Variants in DMXL2 observed in about 807,000 individuals in gnomAD.
The protein encoded by DMXL2 is dmX-like protein 2.
A neutral mutation model predicts 331.1 loss-of-function variants in DMXL2; 103 were observed. The ratio of observed to expected loss-of-function variants is 0.31; its 90% confidence interval spans 0.27 to 0.37. The LOEUF is 0.37. Ranked by LOEUF, DMXL2 falls within the 10% of genes least tolerant of loss-of-function variation. DMXL2 has a pLI of 1.00. For synonymous variants in DMXL2, 1,281 were observed against 1,252.1 expected, an observed-to-expected ratio of 1.02 and a Z score of -0.49; for missense variants, 3,171 against 3,642.9, an observed-to-expected ratio of 0.87 and a Z score of 3.33.
chr15:51,500,530 GA>G (rs1380355579), intron 17 of DMXL2, among the ~76,000 whole-genome samples: 2 of 152,134 alleles, frequency 1.3e-5, no homozygotes, highest in Non-Finnish European at 2.9e-5. Flanking sequence ...CAAAAGCACT[GA>G]AACAAGTCAG....
Position 51,451,664 on chromosome 15 carries a change from G to C in DMXL2, c.8730C>G (p.Pro2910=). Reference sequence around the variant, plus strand: ...ACTCACCATGAATGAGGCTGTTTCCGGGTGATATTAATGTGTCCCAGAGGC... The same window carrying C: ...ACTCACCATGAATGAGGCTGTTTCCCGGTGATATTAATGTGTCCCAGAGGC... ...NVCLWDTLIS[P]GNSLIHGFTC... is the part of the protein sequence containing the mutation. The change falls in exon 42 of 44, where the codon CCC becomes CCG. Residue 2910 remains proline, a synonymous_variant. Coordinates refer to ENST00000560891, the MANE Select transcript of DMXL2 (RefSeq NM_001378457.1). 1.9e-6 allele frequency: 3 copies of C among 1,612,424 alleles called. No individual in the cohort carries two copies. Among genetic ancestry groups the C allele is most frequent in the Non-Finnish European group, 2.5e-6 (3 of 1,179,088 alleles).
Position 51,480,655 on chromosome 15 carries a change from T to G in DMXL2, c.6451A>C (p.Asn2151His). The change falls in exon 24 of 44, where the codon AAC (asparagine) becomes CAC (histidine). Residue 2151 changes from asparagine (N) to histidine (H), a missense_variant. Around this residue, in one of 7 missense-constraint regions of DMXL2, gnomAD observed 197 missense variants for 196.2 expected, o/e 1.00. Transcript: ENST00000560891. The stretch of plus-strand genomic sequence containing the variant: ...AGAAATACTCTCAGGAGATCTTGGT[T>G]TTTCTGCAACCACGACTTTCGTCTT... The part of the protein sequence containing the change: ...AERRKSWLQK[N>H]QDLLRVFLSY... 6.2e-7 allele frequency: 1 copy of G among 1,612,714 alleles called. No homozygotes were observed. The highest frequency in any genetic ancestry group is 1.1e-5 in the South Asian group (1 of 90,988).
Position 51,471,411 on chromosome 15 carries a change from G to T in DMXL2, c.7214-10C>A, listed in dbSNP as rs758539671. The T allele has an allele frequency of 2.3e-4, 352 of 1,557,396 alleles. 1 individual carries two copies. The highest frequency in any genetic ancestry group is 2.9e-4 in the Non-Finnish European group (331 of 1,150,082). ...GAAAGGACAGGAGGTGCTAAATGAA[G>T]ATAGAAGGAAAAAAAAATCTAGCAT... is the stretch of plus-strand genomic sequence containing the variant. On this transcript the variant is annotated splice_polypyrimidine_tract_variant and intron_variant, in intron 28 of 43. Transcript: ENST00000560891.
At chr15:51,505,543 C>T (rs1470031690) in intron 16 of DMXL2, among the ~76,000 whole-genome samples, 1 of 152,220 alleles carries the variant, frequency 6.6e-6, no homozygotes, top group Non-Finnish European at 1.5e-5. Flanking sequence ...GGTTTCAGAT[C>T]CCTTCTCTTG....
intron 1 of DMXL2, 139 bp downstream of exon 1, chr15:51,622,320 C>T: frequency 8.7e-7 from 1 of 1,154,466 alleles, no homozygotes; most frequent in South Asian, 1.5e-5. Flanking sequence ...GAACTAAACC[C>T]CAAGGCTGCA....
At chr15:51,521,136 T>C (rs777180491) in intron 13 of DMXL2, among the ~76,000 whole-genome samples, 2 of 152,080 alleles carry the variant, frequency 1.3e-5, no homozygotes, top group Non-Finnish European at 2.9e-5. Flanking sequence ...ATATACAAGG[T>C]TGAAAATAAA....
rs1340769826 is a variant in DMXL2 at position 51,538,275 on chromosome 15, C to G, written c.1283G>C (p.Arg428Thr). 2 of 1,613,816 alleles carry G rather than the reference C, an allele frequency of 1.2e-6. No homozygotes were observed. Among genetic ancestry groups the G allele is most frequent in the South Asian group, 2.2e-5 (2 of 91,080 alleles). The change falls in exon 10 of 44, where the codon AGA becomes ACA. Residue 428 changes from arginine to threonine, a missense_variant. Arg to Thr is a moderately conservative substitution (Grantham distance 71). This residue lies in a region of DMXL2 where 1,674 missense variants were observed against 1,780.2 expected (regional missense o/e 0.94). Coordinates refer to ENST00000560891, the MANE Select transcript of DMXL2 (RefSeq NM_001378457.1). ...QVDHENDDADREDEEHSQEDR... is the reference protein window; with the variant it reads ...QVDHENDDADTEDEEHSQEDR... ...CTCCTGTGAATGTTCCTCATCTTCT[C>G]TATCTGCATCATCATTTTCATGATC...
chr15:51,498,476 T>C, intron 18 of DMXL2, 76 bp downstream of exon 18: 1 of 1,426,768 alleles, frequency 7.0e-7, no homozygotes. Context: ...TGCAATTCAG[T>C]AAATGAGTCA....
intron 29 of DMXL2, among the ~76,000 whole-genome samples, chr15:51,468,342 G>A (rs1346465056): frequency 6.6e-6 from 1 of 152,132 alleles, no homozygotes; most frequent in Non-Finnish European, 1.5e-5. Flanking sequence ...AACACTAGTG[G>A]AATAATCTCA....
At chr15:51,579,113 G>GA (rs1264429198) in intron 1 of DMXL2, among the ~76,000 whole-genome samples, 1 of 151,892 alleles carries the variant, frequency 6.6e-6, no homozygotes, top group African/African-American at 2.4e-5. Context: ...TCAAGAAAAG[G>GA]AAAAAAATGG....
intron 26 of DMXL2, among the ~76,000 whole-genome samples, chr15:51,477,398 C>T (rs2041671949): frequency 6.6e-6 from 1 of 151,978 alleles, no homozygotes; most frequent in Admixed American, 6.6e-5. Context: ...TGACATCAAA[C>T]AAGTTATCTT....
chr15:51,483,737 G>A lies in DMXL2; in HGVS notation c.5483-2114C>T, dbSNP rs552105866. On this transcript the variant is annotated intron_variant, in intron 23 of 43. Transcript: ENST00000560891. The stretch of plus-strand genomic sequence containing the variant: ...CGCCTGAGAAATAGTCCTTCGAGCC[G>A]CCCCTGGCAGCACACCACCAGGCCA... Among the ~76,000 whole-genome samples the A allele has an allele frequency of 7.2e-4, 109 of 152,144 alleles. 1 individual carries two copies. Among genetic ancestry groups the A allele is most frequent in the Non-Finnish European group, 1.2e-3 (82 of 67,984 alleles).
Position 51,580,032 on chromosome 15 carries a change from A to G in DMXL2, c.88-3851T>C, listed in dbSNP as rs544177885. Among the ~76,000 whole-genome samples the G allele has an allele frequency of 1.4e-4, 21 of 152,266 alleles. No individual in the cohort carries two copies. In the South Asian group the frequency reaches 4.4e-3, roughly 32 times the overall value. ...CTTTCCATTGCATTGCCCTACCTCT[A>G]TTCCATGAAGATCCTGTTGGTGCTA... On this transcript the variant is annotated intron_variant, in intron 1 of 43. Coordinates refer to ENST00000560891, the MANE Select transcript of DMXL2 (RefSeq NM_001378457.1).
chr15:51,565,215 T>C, intron 3 of DMXL2, 49 bp from the exon 4 acceptor site: 1 of 1,224,800 alleles, frequency 8.2e-7, no homozygotes, highest in South Asian at 1.5e-5. Context: ...AAGATGTTTT[T>C]CAAATAATAT....
rs183969141 is a variant in DMXL2 at position 51,473,276 on chromosome 15, T to C, written c.7213+1068A>G. Among the ~76,000 whole-genome samples the C allele has an allele frequency of 2.0e-3, 300 of 152,350 alleles. 1 individual carries two copies. Among genetic ancestry groups the C allele is most frequent in the Middle Eastern group, 3.4e-3 (1 of 294 alleles). On this transcript the variant is annotated intron_variant, in intron 28 of 43. Coordinates refer to ENST00000560891, the MANE Select transcript of DMXL2 (RefSeq NM_001378457.1). ...TTCTTATCATTACCTGAAATATCTT[T>C]GTTAATTGCCTGATAGGTGTTAAGT...
At chr15:51,489,362 T>C (rs2042625355) in intron 20 of DMXL2, among the ~76,000 whole-genome samples, 1 of 152,056 alleles carries the variant, frequency 6.6e-6, no homozygotes, top group Non-Finnish European at 1.5e-5. Context: ...ATCATGAAAA[T>C]GCTTTACTCT....
intron 6 of DMXL2, among the ~76,000 whole-genome samples, chr15:51,552,734 T>C (rs2049298196): frequency 6.6e-6 from 1 of 152,162 alleles, no homozygotes; most frequent in Non-Finnish European, 1.5e-5. Flanking sequence ...TGAGTCCCAT[T>C]CTCTTCTCTA....
At chr15:51,488,748 G>A (rs773962937) in intron 20 of DMXL2, 103 bp from the exon 21 acceptor site, 6 of 999,504 alleles carry the variant, frequency 6.0e-6, no homozygotes, top group South Asian at 1.7e-5. Context: ...GATAGAAACT[G>A]TGGAGACAGA....
rs773900028 is a variant in DMXL2 at position 51,517,118 on chromosome 15, C to T, written c.2486G>A (p.Arg829Gln). The T allele has an allele frequency of 3.8e-5, 62 of 1,613,832 alleles. 1 individual carries two copies. The highest frequency in any genetic ancestry group is 2.9e-4 in the South Asian group (26 of 91,064). Residue 829 changes from arginine to glutamine, a missense_variant, in exon 14 of 44, where the codon CGA (arginine) becomes CAA (glutamine). This residue lies in a region of DMXL2 where 1,674 missense variants were observed against 1,780.2 expected (regional missense o/e 0.94). Transcript: ENST00000560891. ...FNIVSQQSTA[R>Q]PGCIIELDAI... is the part of the protein sequence containing the mutation. ...GTCGAGTTCAATAATGCAGCCAGGT[C>T]GAGCAGTAGACTGTTGGCTCACAAT...
Sources: gnomAD v4.1 joint callset for allele counts (sites outside exome capture counted in the v4.1 genomes callset) on GRCh38, gnomAD v4.1.1 for gene constraint, gnomAD v4.1.1 regional missense constraint, MANE v1.5 for transcripts, NCBI Gene and HGNC (gene_info 2026-07-23, HGNC 2026-07-21) for gene names.